Variants in RUNX1 observed in about 807,000 individuals in gnomAD.
RUNX1 encodes the protein RUNX family transcription factor 1, also known as runt-related transcription factor 1.
A neutral mutation model predicts 42.8 loss-of-function variants in RUNX1; 19 were observed. That is an observed-to-expected ratio of 0.44 (90% confidence interval 0.31 to 0.65). RUNX1 has a LOEUF of 0.65. Among genes scored for constraint, RUNX1 ranks in the 30% least tolerant of loss-of-function variants. The pLI, the probability that RUNX1 is intolerant of heterozygous loss-of-function variation, is 0.07. For missense variants in RUNX1, 528 were observed against 672.0 expected (o/e 0.79, Z 2.37); for synonymous variants, 271 against 289.4 (o/e 0.94, Z 0.64).
At chr21:34,932,530 G>T (rs749369371) in intron 2 of RUNX1, among the ~76,000 whole-genome samples, 2 of 152,118 alleles carry the variant, frequency 1.3e-5, no homozygotes, top group Non-Finnish European at 2.9e-5. Context: ...CCATGCCGGT[G>T]ATCTTTACCT....
intron 2 of RUNX1, among the ~76,000 whole-genome samples, chr21:35,023,058 T>C (rs1287831724): frequency 1.3e-5 from 2 of 151,878 alleles, no homozygotes; most frequent in African/African-American, 2.4e-5. Context: ...TCTTTCAGCC[T>C]CAGCCTCTTC....
chr21:34,799,529 A>C, intron 7 of RUNX1, 67 bp from the exon 8 acceptor site: 2 of 1,414,694 alleles, frequency 1.4e-6, no homozygotes, highest in South Asian at 1.2e-5. Context: ...TCTTTTAATA[A>C]GAAATGAGTG....
At chr21:34,900,757 A>G (rs1430524658) in intron 2 of RUNX1, among the ~76,000 whole-genome samples, 1 of 152,222 alleles carries the variant, frequency 6.6e-6, no homozygotes, top group African/African-American at 2.4e-5. Flanking sequence ...TTACAAAAGC[A>G]TCTCCTGTCC....
intron 2 of RUNX1, among the ~76,000 whole-genome samples, chr21:35,010,840 T>C (rs564726446): frequency 6.6e-6 from 1 of 152,344 alleles, no homozygotes; most frequent in Non-Finnish European, 1.5e-5. Flanking sequence ...CAAACAGAAC[T>C]ATCATTAGAA....
intron 2 of RUNX1, among the ~76,000 whole-genome samples, chr21:34,911,782 G>T (rs2058274484): frequency 6.6e-6 from 1 of 152,124 alleles, no homozygotes; most frequent in African/African-American, 2.4e-5. Context: ...CATAGCCTCT[G>T]TCTGTCTCAC....
rs1555835557 is a variant in RUNX1, at chr21:35,037,937, T to TTA, written c.58+10904_58+10905insTA. Among the ~76,000 whole-genome samples, 484 of 151,628 alleles carry TTA rather than the reference T, an allele frequency of 3.2e-3. 6 individuals carry two copies. The highest frequency in any genetic ancestry group is 0.011 in the African/African-American group (453 of 41,340). ...AGGCAGACATTTCTTTTTTTTTTTT[T>TTA]ATCTTCATACATGCCCAGTTCCTGG... On this transcript the variant is annotated intron_variant, in intron 2 of 8. Coordinates refer to ENST00000675419, the MANE Select transcript of RUNX1 (RefSeq NM_001754.5).
chr21:34,792,054 G>A lies in RUNX1; in HGVS notation c.*81C>T. ...GGGCCCAGGGCCCGGGATCCCGGCG[G>A]GCTTGTCGCGAACAGGAGGCCCGCG... On this transcript the variant is annotated 3_prime_UTR_variant, in exon 9 of 9. Transcript: ENST00000675419. This position sits in a 1 kb window ranked among gnomAD's most constrained non-coding sequence, Gnocchi z 6.9. 1 of 926,304 alleles carries A rather than the reference G, an allele frequency of 1.1e-6. No individual in the cohort carries two copies. The highest frequency in any genetic ancestry group is 1.5e-6 in the Non-Finnish European group (1 of 675,420). 57.4% of individuals were successfully genotyped at this position (926,304 alleles called of 1,614,324 possible).
At chr21:34,849,272 TATATATAATATATATTATATATAAA>T (rs1208737560) in intron 6 of RUNX1, among the ~76,000 whole-genome samples, 1 of 67,032 alleles carries the variant, frequency 1.5e-5, no homozygotes, top group Non-Finnish European at 2.7e-5. Context: ...ATATATAATA[TATATATAATATATATTATATATAAA>T]ATATATAATA....
intron 7 of RUNX1, among the ~76,000 whole-genome samples, chr21:34,808,102 A>T (rs751179522): frequency 2.6e-5 from 4 of 152,178 alleles, no homozygotes; most frequent in African/African-American, 4.8e-5. Context: ...TGATAACATG[A>T]GTCAGTCAGC....
At chr21:34,856,457 A>T (rs552478367) in intron 6 of RUNX1, 1 of 519,030 alleles carries the variant, frequency 1.9e-6, no homozygotes, top group Non-Finnish European at 3.8e-6. Flanking sequence ...TCTATAAGAA[A>T]GAAATAGATG....
intron 2 of RUNX1, among the ~76,000 whole-genome samples, chr21:35,037,026 T>C (rs1031343964): frequency 1.3e-5 from 2 of 152,168 alleles, no homozygotes; most frequent in Middle Eastern, 3.2e-3. Flanking sequence ...GCAAGAGATA[T>C]ACCTGGGACA....
intron 2 of RUNX1, among the ~76,000 whole-genome samples, chr21:34,941,274 A>C (rs551162500): frequency 1.0e-3 from 159 of 152,306 alleles, no homozygotes; most frequent in Non-Finnish European, 2.0e-3. Flanking sequence ...CTCCCTGCTG[A>C]TGCTAACCGT....
At chr21:34,999,102 G>A (rs1056600339) in intron 2 of RUNX1, among the ~76,000 whole-genome samples, 1 of 152,210 alleles carries the variant, frequency 6.6e-6, no homozygotes, top group Non-Finnish European at 1.5e-5. Flanking sequence ...CAGGCCTTTG[G>A]GTGAGCAGGG....
chr21:34,969,002 TGA>T (rs2146738547), intron 2 of RUNX1, among the ~76,000 whole-genome samples: 1 of 152,220 alleles, frequency 6.6e-6, no homozygotes, highest in East Asian at 1.9e-4. Context: ...TAGAAACTGT[TGA>T]GCAGAAAGGT....
chr21:34,914,073 TTC>T (rs1240360270), intron 2 of RUNX1, among the ~76,000 whole-genome samples: 1 of 152,190 alleles, frequency 6.6e-6, no homozygotes, highest in African/African-American at 2.4e-5. Context: ...GCCGAGGGAA[TTC>T]TCTCTCAGTC....
At chr21:35,041,799 T>C (rs796449563) in intron 2 of RUNX1, among the ~76,000 whole-genome samples, 4 of 152,264 alleles carry the variant, frequency 2.6e-5, no homozygotes, top group African/African-American at 9.6e-5. Flanking sequence ...TGAATAAGTG[T>C]TTAAAGCCTA....
At chr21:35,037,238 C>T (rs1015887811) in intron 2 of RUNX1, among the ~76,000 whole-genome samples, 1 of 152,178 alleles carries the variant, frequency 6.6e-6, no homozygotes, top group Admixed American at 6.5e-5. Context: ...TTTCTCCCCA[C>T]CCCAGCATGT....
chr21:34,880,740 A>G (rs2146364620), intron 4 of RUNX1, 27 bp from the exon 5 acceptor site: 1 of 1,613,148 alleles, frequency 6.2e-7, no homozygotes, highest in Non-Finnish European at 8.5e-7. Context: ...GGACAAATGC[A>G]GACATCAGGG....
chr21:34,905,734 A>G (rs1261867085), intron 2 of RUNX1, among the ~76,000 whole-genome samples: 2 of 152,228 alleles, frequency 1.3e-5, no homozygotes, highest in African/African-American at 4.8e-5. Context: ...TGGATACAAC[A>G]AAAGTTAATA....
Sources: allele counts gnomAD v4.1 joint callset (sites outside exome capture counted in the v4.1 genomes callset), GRCh38; gene constraint gnomAD v4.1.1; non-coding constraint Gnocchi (gnomAD v3.1); transcripts MANE v1.5; gene names NCBI Gene and HGNC (gene_info 2026-07-23, HGNC 2026-07-21).